The following SCARB2 variants were observed in gnomAD, a reference collection of about 807,000 sequenced individuals.
SCARB2 encodes the protein lysosome membrane protein 2.
Under a neutral mutation model 58.6 loss-of-function variants are expected in SCARB2, and 29 were observed. The ratio of observed to expected loss-of-function variants is 0.49; its 90% confidence interval spans 0.37 to 0.67. The LOEUF (loss-of-function observed/expected upper bound fraction) is 0.67. SCARB2 is among the 30% of genes least tolerant of loss of function. SCARB2 has a pLI of 0.00. For missense variants in SCARB2, 488 were observed against 578.5 expected (o/e 0.84, Z 1.60); for synonymous variants, 195 against 210.1 (o/e 0.93, Z 0.62).
chr4:76,232,804 G>T (rs1289504065), intron 1 of SCARB2, among the ~76,000 whole-genome samples: 4 of 152,018 alleles, frequency 2.6e-5, no homozygotes, highest in Non-Finnish European at 5.9e-5. Context: ...TTTTTGGAAG[G>T]CTGTTAAATA....
intron 9 of SCARB2, among the ~76,000 whole-genome samples, chr4:76,168,145 CA>C (rs1285657623): frequency 2.6e-5 from 4 of 152,204 alleles, no homozygotes; most frequent in African/African-American, 9.7e-5. Context: ...GGGGATAATA[CA>C]AGGTTATATG....
At chr4:76,218,609 T>G (rs1733255569), upstream of SCARB2, among the ~76,000 whole-genome samples, 1 of 152,224 alleles carries the variant, frequency 6.6e-6, no homozygotes, top group African/African-American at 2.4e-5. Context: ...TTATTTTGTT[T>G]GGGGTTATGG....
chr4:76,168,479 G>A lies in SCARB2; in HGVS notation c.1114-3C>T, dbSNP rs1560705500. The stretch of plus-strand genomic sequence containing the variant: ...GCTTTTAGGATTATTCCAGTCAACT[G>A]CAAATCAGAGAAGTGAAAAGGAAAC... On this transcript the variant is annotated splice_region_variant and splice_polypyrimidine_tract_variant and intron_variant, in intron 8 of 11. Transcript: ENST00000264896. 6.2e-7 allele frequency: 1 copy of A among 1,612,538 alleles called. No homozygotes were observed. Among genetic ancestry groups the A allele is most frequent in the Non-Finnish European group, 8.5e-7 (1 of 1,178,792 alleles).
At chr4:76,188,424 T>C (rs1015564055) in intron 2 of SCARB2, among the ~76,000 whole-genome samples, 3 of 152,384 alleles carry the variant, frequency 2.0e-5, no homozygotes. Flanking sequence ...AAAACATTAC[T>C]ATTCTGAACT....
rs751498101 is a variant in SCARB2 at position 76,175,888 on chromosome 4, C to T, written c.727G>A (p.Asp243Asn). 11 of 1,613,900 alleles carry T rather than the reference C, an allele frequency of 6.8e-6. No individual in the cohort carries two copies. Among genetic ancestry groups the T allele is most frequent in the Non-Finnish European group, 9.3e-6 (11 of 1,179,984 alleles). ...GKTSLDWWIT[D>N]KCNMINGTDG... ...GTTCCATTAATCATATTGCACTTGT[C>T]TGTTATCCACCAGTCAAGTGACCTA... Residue 243 changes from aspartate (D) to asparagine (N), a missense_variant, in exon 6 of 12, where the codon GAC becomes AAC. Coordinates refer to ENST00000264896, the MANE Select transcript of SCARB2 (RefSeq NM_005506.4).
chr4:76,224,241 A>G (rs774496210), intron 1 of SCARB2, among the ~76,000 whole-genome samples: 1 of 152,206 alleles, frequency 6.6e-6, no homozygotes, highest in Non-Finnish European at 1.5e-5. Context: ...TTCATCCGAA[A>G]TTCACGGGAT....
chr4:76,199,804 A>G (rs1482937896), intron 1 of SCARB2, among the ~76,000 whole-genome samples: 4 of 152,196 alleles, frequency 2.6e-5, no homozygotes, highest in Admixed American at 6.5e-5. Flanking sequence ...GAGGAACCGA[A>G]AAAGGGAGAG....
chr4:76,217,814 TAATG>T (rs1466126196), upstream of SCARB2: 3 of 403,004 alleles, frequency 7.4e-6, no homozygotes, highest in Non-Finnish European at 1.3e-5. Flanking sequence ...CAAGTACACT[TAATG>T]AATGATTGCT....
chr4:76,229,136 T>G (rs1170745980), intron 1 of SCARB2, among the ~76,000 whole-genome samples: 1 of 152,214 alleles, frequency 6.6e-6, no homozygotes, highest in Non-Finnish European at 1.5e-5. Flanking sequence ...CTTTATATTT[T>G]TCTAAGTGTG....
chr4:76,189,934 ATTTGGC>A (rs764541820), intron 2 of SCARB2, among the ~76,000 whole-genome samples: 10 of 151,962 alleles, frequency 6.6e-5, no homozygotes, highest in Non-Finnish European at 1.5e-4. Flanking sequence ...TCAAGCTGAG[ATTTGGC>A]TGGTGGGGAC....
intron 3 of SCARB2, 69 bp from the exon 4 acceptor site, chr4:76,179,774 A>G: frequency 1.7e-6 from 2 of 1,160,332 alleles, no homozygotes. Context: ...CTCTCCTACT[A>G]CCCCATAGCA....
chr4:76,214,172 G>C (rs1733150596), upstream of SCARB2: 1 of 452,636 alleles, frequency 2.2e-6, no homozygotes, highest in Non-Finnish European at 4.4e-6. Context: ...AAGGTGGCTG[G>C]GACATTCCCC....
intron 1 of SCARB2, among the ~76,000 whole-genome samples, chr4:76,204,840 C>T (rs989109880): frequency 6.6e-6 from 1 of 152,148 alleles, no homozygotes; most frequent in Non-Finnish European, 1.5e-5. Context: ...ATTTTCATTA[C>T]CTACCTATTT....
At chr4:76,208,572 T>C (rs1477989071) in intron 1 of SCARB2, among the ~76,000 whole-genome samples, 3 of 152,066 alleles carry the variant, frequency 2.0e-5, no homozygotes, top group African/African-American at 7.2e-5. Flanking sequence ...CCAGGCTGAG[T>C]AAACAGAGGA....
chr4:76,181,567 TC>T (rs1443324577), intron 2 of SCARB2, among the ~76,000 whole-genome samples: 7 of 152,280 alleles, frequency 4.6e-5, no homozygotes, highest in Admixed American at 1.3e-4. Flanking sequence ...AGGAGTTCAC[TC>T]CTGTTTCTTT....
intron 1 of SCARB2, among the ~76,000 whole-genome samples, chr4:76,220,235 T>A (rs1337187658): frequency 6.6e-6 from 1 of 152,324 alleles, no homozygotes; most frequent in East Asian, 1.9e-4. Context: ...TTGTTCACAA[T>A]AGTCAAAAGG....
chr4:76,210,115 C>A (rs1206611462), intron 1 of SCARB2, among the ~76,000 whole-genome samples: 1 of 152,180 alleles, frequency 6.6e-6, no homozygotes, highest in African/African-American at 2.4e-5. Context: ...AAAGACATAA[C>A]AACTGTTAAC....
chr4:76,220,545 C>T (rs79630243), intron 1 of SCARB2, among the ~76,000 whole-genome samples: 12 of 152,250 alleles, frequency 7.9e-5, no homozygotes, highest in East Asian at 1.9e-4. Context: ...GAGGATTCCT[C>T]GAGTCCAGGA....
intron 1 of SCARB2, 62 bp downstream of exon 1, chr4:76,213,365 A>G: frequency 9.0e-7 from 1 of 1,111,482 alleles, no homozygotes; most frequent in African/African-American, 1.5e-5. Flanking sequence ...AAGATGTAGC[A>G]GCAGGGATGG....
Sources: allele counts gnomAD v4.1 joint callset (sites outside exome capture counted in the v4.1 genomes callset), GRCh38; gene constraint gnomAD v4.1.1; transcripts MANE v1.5; gene names NCBI Gene and HGNC (gene_info 2026-07-23, HGNC 2026-07-21).